The following KANSL1 variants were observed in gnomAD, a reference collection of about 807,000 sequenced individuals.
KANSL1 encodes KAT8 regulatory NSL complex subunit 1, also known as MLL1/MLL complex subunit KANSL1.
KANSL1 carries 22 observed loss-of-function variants against 103.6 expected under a neutral mutation model. The ratio of observed to expected loss-of-function variants is 0.21; its 90% CI spans 0.15 to 0.30. KANSL1 has a LOEUF of 0.30. Ranked by LOEUF, KANSL1 falls within the 10% of genes least tolerant of loss-of-function variation. The pLI is 1.00. For missense variants in KANSL1, 1,337 were observed against 1,399.8 expected (o/e 0.96, Z 0.72); for synonymous variants, 600 against 527.6 (o/e 1.14, Z -1.88).
upstream of KANSL1, among the ~76,000 whole-genome samples, chr17:46,225,130 C>A (rs1341859894): frequency 2.0e-5 from 3 of 152,024 alleles, no homozygotes; most frequent in South Asian, 6.2e-4. Flanking sequence ...GCCCCACACA[C>A]GCGTCCCCTC....
At chr17:46,112,251 C>G (rs950224710) in intron 2 of KANSL1, among the ~76,000 whole-genome samples, 3 of 150,926 alleles carry the variant, frequency 2.0e-5, no homozygotes, top group Non-Finnish European at 4.4e-5. Context: ...ACCTGTAGTC[C>G]TAGCTACTCA....
chr17:46,182,921 G>A (rs2046855871), intron 1 of KANSL1, among the ~76,000 whole-genome samples: 1 of 152,168 alleles, frequency 6.6e-6, no homozygotes, highest in South Asian at 2.1e-4. Flanking sequence ...GTCAGTCAAA[G>A]AACACCAACT....
intron 2 of KANSL1, among the ~76,000 whole-genome samples, chr17:46,140,929 C>T (rs913557007): frequency 1.3e-5 from 2 of 152,066 alleles, no homozygotes; most frequent in African/African-American, 2.4e-5. Context: ...CATGGTAATA[C>T]AAAATGGTAA....
At chr17:46,033,240 G>A in intron 12 of KANSL1, 48 bp from the exon 13 acceptor site, 3 of 1,499,016 alleles carry the variant, frequency 2.0e-6, no homozygotes, top group Non-Finnish European at 2.7e-6. Context: ...CAGGAGTTAA[G>A]AACCAGTCCC....
upstream of KANSL1, among the ~76,000 whole-genome samples, chr17:46,195,041 G>T (rs1415936162): frequency 6.6e-6 from 1 of 152,180 alleles, no homozygotes; most frequent in Non-Finnish European, 1.5e-5. Context: ...GAGGTCTTTA[G>T]TCTTGGATTT....
At chr17:46,057,511 A>G (rs1023909637) in intron 6 of KANSL1, among the ~76,000 whole-genome samples, 1 of 152,114 alleles carries the variant, frequency 6.6e-6, no homozygotes, top group African/African-American at 2.4e-5. Flanking sequence ...TCAGCTTCCA[A>G]TTTAACAATG....
chr17:46,142,686 TAAGTA>T (rs1198373636), intron 2 of KANSL1, among the ~76,000 whole-genome samples: 3 of 152,260 alleles, frequency 2.0e-5, no homozygotes, highest in Non-Finnish European at 2.9e-5. Flanking sequence ...AATGCAAATT[TAAGTA>T]AAGATAGTAT....
chr17:46,169,538 TACAGTCAAGGAA>T (rs1394713386), intron 2 of KANSL1: 3 of 152,258 alleles, frequency 2.0e-5, no homozygotes, highest in Non-Finnish European at 4.4e-5. Context: ...CACCTTTTAA[TACAGTCAAGGAA>T]ACACCAATTC....
At chr17:46,073,079 C>G (rs568343192) in intron 4 of KANSL1, among the ~76,000 whole-genome samples, 23 of 152,280 alleles carry the variant, frequency 1.5e-4, no homozygotes, top group South Asian at 1.0e-3. Flanking sequence ...ATCCCAAAAC[C>G]CTTGTCAGGC....
intron 10 of KANSL1, chr17:46,037,797 T>C (rs770906327): frequency 6.6e-6 from 1 of 152,224 alleles, no homozygotes; most frequent in African/African-American, 2.4e-5. Context: ...AAAGGACCCT[T>C]TGAGTAGGTC....
chr17:46,141,178 T>C (rs2044401868), intron 2 of KANSL1, among the ~76,000 whole-genome samples: 1 of 152,262 alleles, frequency 6.6e-6, no homozygotes, highest in Non-Finnish European at 1.5e-5. Flanking sequence ...GAAAATTGTT[T>C]ATCTGGTTCT....
At chr17:46,106,895 A>G (rs1250514485) in intron 2 of KANSL1, among the ~76,000 whole-genome samples, 1 of 152,162 alleles carries the variant, frequency 6.6e-6, no homozygotes, top group African/African-American at 2.4e-5. Context: ...TGTAGACTCT[A>G]TTCTTTCTCC....
At chr17:46,190,833 G>A (rs1464461264) in intron 1 of KANSL1, among the ~76,000 whole-genome samples, 2 of 152,240 alleles carry the variant, frequency 1.3e-5, no homozygotes, top group African/African-American at 2.4e-5. Context: ...ACTGAAGGTA[G>A]TTATTCCACA....
At chr17:46,089,565 C>CA (rs370478201) in intron 3 of KANSL1, among the ~76,000 whole-genome samples, 2,476 of 126,570 alleles carry the variant, frequency 0.02, 20 homozygotes, top group African/African-American at 0.027. Flanking sequence ...AGGTTCATCT[C>CA]AAAAAAAAAA....
At chr17:46,216,690 G>A (rs981834085) in intron 1 of KANSL1, among the ~76,000 whole-genome samples, 1 of 151,822 alleles carries the variant, frequency 6.6e-6, no homozygotes, top group African/African-American at 2.4e-5. Context: ...ACTTCTTTAA[G>A]TCATGCTATC....
intron 1 of KANSL1, among the ~76,000 whole-genome samples, chr17:46,189,368 G>A (rs187989459): frequency 6.6e-5 from 10 of 152,278 alleles, no homozygotes; most frequent in Admixed American, 6.5e-4. Context: ...CTTTGTTGGG[G>A]GGTGGAGAGG....
intron 2 of KANSL1, among the ~76,000 whole-genome samples, chr17:46,144,867 C>G (rs1163493151): frequency 2.0e-5 from 3 of 152,168 alleles, no homozygotes; most frequent in African/African-American, 7.2e-5. Context: ...ACACGAAATG[C>G]AAGGCATTTC....
upstream of KANSL1, among the ~76,000 whole-genome samples, chr17:46,194,323 G>C (rs907388096): frequency 6.6e-6 from 1 of 152,276 alleles, no homozygotes; most frequent in Non-Finnish European, 1.5e-5. Context: ...CATGCTAAAA[G>C]TTTAACAAAG....
At chr17:46,195,157 T>C (rs1404182193), upstream of KANSL1, among the ~76,000 whole-genome samples, 1 of 152,250 alleles carries the variant, frequency 6.6e-6, no homozygotes, top group Non-Finnish European at 1.5e-5. Flanking sequence ...GACCAACAGA[T>C]GGCGAACTAG....
Sources: allele counts gnomAD v4.1 joint callset (sites outside exome capture counted in the v4.1 genomes callset), GRCh38; gene constraint gnomAD v4.1.1; transcripts MANE v1.5; gene names NCBI Gene and HGNC (gene_info 2026-07-23, HGNC 2026-07-21).